CUL5: variants seen among roughly 807,000 people sequenced by gnomAD.
CUL5 encodes the protein cullin 5, also known as cullin-5.
In CUL5, 26 loss-of-function variants were observed where a neutral mutation model predicts 108.8. The observed-to-expected ratio is 0.24, with a 90% CI of 0.18 to 0.33. The LOEUF (loss-of-function observed/expected upper bound fraction) is 0.33, where lower values mean the gene tolerates loss of function less well. Ranked by LOEUF, CUL5 falls within the 10% of genes least tolerant of loss-of-function variation. The pLI is 1.00. For missense variants in CUL5, 524 were observed against 909.2 expected (o/e 0.58, Z 5.45); for synonymous variants, 334 against 298.0 (o/e 1.12, Z -1.25).
At chr11:108,023,459 G>A (rs954128992) in intron 1 of CUL5, among the ~76,000 whole-genome samples, 10 of 151,866 alleles carry the variant, frequency 6.6e-5, no homozygotes, top group African/African-American at 2.4e-4. Flanking sequence ...TTTTAAAAAC[G>A]AAAACAAAAT....
intron 2 of CUL5, among the ~76,000 whole-genome samples, chr11:108,038,677 G>GAA (rs368452724): frequency 2.9e-4 from 31 of 105,342 alleles, no homozygotes; most frequent in Non-Finnish European, 3.6e-4. Flanking sequence ...CTCCATCTCA[G>GAA]AAAAAAAAAA....
intron 7 of CUL5, among the ~76,000 whole-genome samples, chr11:108,064,534 C>T (rs1863626313): frequency 6.6e-6 from 1 of 151,982 alleles, no homozygotes; most frequent in African/African-American, 2.4e-5. Flanking sequence ...ATGGTGAAAC[C>T]CCATCTCTAC....
At chr11:108,042,035 C>T (rs576794149) in intron 2 of CUL5, among the ~76,000 whole-genome samples, 5 of 152,186 alleles carry the variant, frequency 3.3e-5, no homozygotes, top group African/African-American at 7.2e-5. Flanking sequence ...GGGAGGGAAA[C>T]GTCCACATTA....
At chr11:108,055,842 G>C (rs1481544120) in intron 7 of CUL5, among the ~76,000 whole-genome samples, 1 of 152,162 alleles carries the variant, frequency 6.6e-6, no homozygotes, top group East Asian at 1.9e-4. Flanking sequence ...TGCTGCCCAG[G>C]CTGATCTTGA....
At chr11:108,089,428 A>G (rs1013437398) in intron 12 of CUL5, 64 bp from the exon 13 acceptor site, 2 of 1,228,610 alleles carry the variant, frequency 1.6e-6, no homozygotes, top group African/African-American at 1.6e-5. Flanking sequence ...GGATATAGAA[A>G]GGTCTAAATT....
intron 2 of CUL5, among the ~76,000 whole-genome samples, chr11:108,040,271 G>A (rs1296847415): frequency 6.6e-6 from 1 of 152,172 alleles, no homozygotes; most frequent in Admixed American, 6.5e-5. Context: ...CTTGAGGCCA[G>A]AGTTCGAGAC....
At chr11:108,058,245 C>CTTTTTTTTTTT (rs771714382) in intron 7 of CUL5, among the ~76,000 whole-genome samples, 1 of 100,118 alleles carries the variant, frequency 1.0e-5, no homozygotes. Flanking sequence ...TGAAGAGTGC[C>CTTTTTTTTTTT]TTTTTTTTTT....
At chr11:108,084,901 A>G (rs1295159581) in intron 11 of CUL5, 1 of 152,242 alleles carries the variant, frequency 6.6e-6, no homozygotes, top group Non-Finnish European at 1.5e-5. Flanking sequence ...GTTCCTCAAG[A>G]AGTTCAACAT....
chr11:108,049,479 C>T (rs1863156198), intron 3 of CUL5, among the ~76,000 whole-genome samples: 2 of 151,676 alleles, frequency 1.3e-5, no homozygotes, highest in Non-Finnish European at 2.9e-5. Flanking sequence ...GTAGCTGGGA[C>T]CACAGGCACG....
chr11:108,009,861 C>G (rs1198574906), intron 1 of CUL5, among the ~76,000 whole-genome samples: 2 of 152,124 alleles, frequency 1.3e-5, no homozygotes, highest in Admixed American at 1.3e-4. Context: ...CAGTGCCTCC[C>G]ACTCCACCCC....
At chr11:108,083,444 T>TA in intron 11 of CUL5, among the ~76,000 whole-genome samples, 1 of 152,318 alleles carries the variant, frequency 6.6e-6, no homozygotes, top group African/African-American at 2.4e-5. Flanking sequence ...GGGTTTCTCT[T>TA]AGTTTTCTGA....
At chr11:108,037,298 C>G (rs371314587) in intron 2 of CUL5, among the ~76,000 whole-genome samples, 20 of 152,280 alleles carry the variant, frequency 1.3e-4, no homozygotes, top group South Asian at 6.2e-4. Flanking sequence ...GCTGCTGTTT[C>G]ATACTGTGAA....
intron 7 of CUL5, among the ~76,000 whole-genome samples, chr11:108,067,387 T>A (rs1021756205): frequency 1.3e-5 from 2 of 152,230 alleles, no homozygotes; most frequent in Non-Finnish European, 2.9e-5. Flanking sequence ...CTCCTTTTAA[T>A]CCTCGTTGTA....
intron 2 of CUL5, among the ~76,000 whole-genome samples, chr11:108,041,538 A>G (rs1173793470): frequency 6.6e-6 from 1 of 151,690 alleles, no homozygotes; most frequent in East Asian, 1.9e-4. Flanking sequence ...CAGCATCCCA[A>G]AATGCTGGGA....
At chr11:108,067,574 A>G (rs1284084517) in intron 7 of CUL5, among the ~76,000 whole-genome samples, 2 of 151,862 alleles carry the variant, frequency 1.3e-5, no homozygotes, top group Non-Finnish European at 2.9e-5. Flanking sequence ...CACAGCCATT[A>G]AAACTGATTT....
intron 11 of CUL5, among the ~76,000 whole-genome samples, chr11:108,087,300 A>AT (rs1340554129): frequency 2.0e-5 from 3 of 152,190 alleles, no homozygotes; most frequent in Admixed American, 1.3e-4. Flanking sequence ...ATATGCATAT[A>AT]TTTTATGTAT....
intron 18 of CUL5, among the ~76,000 whole-genome samples, chr11:108,101,991 C>G (rs921742864): frequency 6.6e-6 from 1 of 152,104 alleles, no homozygotes; most frequent in Non-Finnish European, 1.5e-5. Flanking sequence ...ACTTGACCTT[C>G]TGGTGTCATC....
chr11:108,015,799 A>G (rs1400962974), intron 1 of CUL5, among the ~76,000 whole-genome samples: 1 of 152,238 alleles, frequency 6.6e-6, no homozygotes, highest in African/African-American at 2.4e-5. Flanking sequence ...TTCTAAAAGG[A>G]AGTGGCAGCT....
intron 2 of CUL5, among the ~76,000 whole-genome samples, chr11:108,036,830 T>C (rs983128029): frequency 6.6e-6 from 1 of 152,140 alleles, no homozygotes; most frequent in Middle Eastern, 3.2e-3. Flanking sequence ...AAATTCAGTG[T>C]TTATAAGAGT....
Sources: gnomAD v4.1 joint callset for allele counts (sites outside exome capture counted in the v4.1 genomes callset) on GRCh38, gnomAD v4.1.1 for gene constraint, MANE v1.5 for transcripts, NCBI Gene and HGNC (gene_info 2026-07-23, HGNC 2026-07-21) for gene names.